AUTS2: variants seen among roughly 807,000 people sequenced by gnomAD.
The protein encoded by AUTS2 is autism susceptibility gene 2 protein.
AUTS2 carries 17 observed loss-of-function variants against 112.4 expected under a neutral mutation model. The observed-to-expected ratio is 0.15, with a 90% CI of 0.10 to 0.23. AUTS2 has a LOEUF of 0.23. AUTS2 is among the 10% of genes least tolerant of loss of function. The pLI is 1.00. For synonymous variants in AUTS2, 751 were observed against 702.7 expected, an observed-to-expected ratio of 1.07 and a Z score of -1.09; for missense variants, 1,510 against 1,701.6, an observed-to-expected ratio of 0.89 and a Z score of 1.98.
chr7:70,626,428 G>A (rs1381033490), intron 5 of AUTS2, among the ~76,000 whole-genome samples: 2 of 150,274 alleles, frequency 1.3e-5, no homozygotes, highest in Non-Finnish European at 3.0e-5. Context: ...TGGTAGGACT[G>A]GATCCTACCA....
intron 4 of AUTS2, among the ~76,000 whole-genome samples, chr7:70,338,788 A>T (rs1791110523): frequency 6.6e-6 from 1 of 151,324 alleles, no homozygotes; most frequent in Non-Finnish European, 1.5e-5. Context: ...TTAAACCATG[A>T]CTCTCTACTA....
intron 4 of AUTS2, among the ~76,000 whole-genome samples, chr7:70,162,950 T>A (rs943606333): frequency 6.6e-6 from 1 of 152,194 alleles, no homozygotes; most frequent in Non-Finnish European, 1.5e-5. Context: ...GAACGACTTA[T>A]AACGGCTGTG....
intron 1 of AUTS2, among the ~76,000 whole-genome samples, chr7:69,675,294 CTATT>C (rs1304550663): frequency 1.3e-5 from 2 of 152,186 alleles, no homozygotes; most frequent in African/African-American, 4.8e-5. Flanking sequence ...TTGAATCTTG[CTATT>C]TGTTTCCATT....
At chr7:70,288,972 G>A (rs767724712) in intron 4 of AUTS2, among the ~76,000 whole-genome samples, 7 of 152,120 alleles carry the variant, frequency 4.6e-5, no homozygotes, top group Non-Finnish European at 7.4e-5. Flanking sequence ...CCCAGGACCC[G>A]GTAGAGAATG....
At chr7:70,138,373 T>A (rs745535029) in intron 4 of AUTS2, among the ~76,000 whole-genome samples, 21 of 152,208 alleles carry the variant, frequency 1.4e-4, no homozygotes, top group Non-Finnish European at 3.1e-4. Context: ...TTTATAGCAC[T>A]TGACTCCATG....
chr7:70,701,386 A>G (rs60230392), intron 6 of AUTS2, among the ~76,000 whole-genome samples: 52,153 of 152,058 alleles, frequency 0.34, 10,129 homozygotes, highest in East Asian at 0.74. Flanking sequence ...TTAGGTCAAG[A>G]TTTTCAATCA....
At chr7:69,931,115 A>T (rs1027068945) in intron 2 of AUTS2, among the ~76,000 whole-genome samples, 1 of 2,530 alleles carries the variant, frequency 4.0e-4, no homozygotes, top group African/African-American at 2.2e-3. Flanking sequence ...TTGGATTTAC[A>T]CACACACACA....
At chr7:69,663,411 A>AAATAATAAG (rs1009331559) in intron 1 of AUTS2, 2 of 152,188 alleles carry the variant, frequency 1.3e-5, no homozygotes, top group African/African-American at 4.8e-5. Flanking sequence ...GCCCAACCAG[A>AAATAATAAG]AATAATAAGA....
intron 2 of AUTS2, among the ~76,000 whole-genome samples, chr7:69,956,157 A>C (rs1333242262): frequency 6.6e-6 from 1 of 151,682 alleles, no homozygotes; most frequent in Non-Finnish European, 1.5e-5. Context: ...TTCTCCCTTC[A>C]CCTGGCATTT....
At chr7:69,906,420 C>T (rs1795150798) in intron 2 of AUTS2, among the ~76,000 whole-genome samples, 1 of 152,066 alleles carries the variant, frequency 6.6e-6, no homozygotes, top group Non-Finnish European at 1.5e-5. Context: ...GTGTGGTTTG[C>T]ACTGGTGGTG....
At chr7:70,387,804 T>C (rs1793680477) in intron 4 of AUTS2, among the ~76,000 whole-genome samples, 1 of 152,222 alleles carries the variant, frequency 6.6e-6, no homozygotes, top group Admixed American at 6.5e-5. Flanking sequence ...GTCCAGGCTT[T>C]CATTGGCTCT....
At chr7:70,336,325 A>G (rs1481440014) in intron 4 of AUTS2, among the ~76,000 whole-genome samples, 1 of 152,170 alleles carries the variant, frequency 6.6e-6, no homozygotes, top group Non-Finnish European at 1.5e-5. Flanking sequence ...CAGGACAACC[A>G]TTGCTAGCAT....
At chr7:70,092,998 A>G (rs188304058) in intron 2 of AUTS2, among the ~76,000 whole-genome samples, 63 of 152,214 alleles carry the variant, frequency 4.1e-4, no homozygotes, top group African/African-American at 1.5e-3. Flanking sequence ...CTCCTCCCCA[A>G]ATCTCTAGGA....
At chr7:70,408,749 C>G (rs1040422568) in intron 4 of AUTS2, among the ~76,000 whole-genome samples, 5 of 152,224 alleles carry the variant, frequency 3.3e-5, no homozygotes, top group African/African-American at 1.2e-4. Context: ...TAGTTAGGAG[C>G]TGTGTACTAT....
chr7:70,453,320 C>T (rs1483941307), intron 5 of AUTS2, among the ~76,000 whole-genome samples: 1 of 152,214 alleles, frequency 6.6e-6, no homozygotes, highest in Non-Finnish European at 1.5e-5. Context: ...AACACACTTT[C>T]TAGTAAGTAT....
intron 5 of AUTS2, among the ~76,000 whole-genome samples, chr7:70,636,978 A>G (rs1286808216): frequency 6.6e-6 from 1 of 152,202 alleles, no homozygotes; most frequent in Non-Finnish European, 1.5e-5. Context: ...TTTTGCATGT[A>G]AGATGGCATT....
intron 5 of AUTS2, among the ~76,000 whole-genome samples, chr7:70,568,543 A>G (rs1203246552): frequency 6.6e-6 from 1 of 152,206 alleles, no homozygotes. Flanking sequence ...GGGGAAAAAA[A>G]AATCACTTGC....
chr7:69,706,484 G>C (rs576774951), intron 1 of AUTS2, among the ~76,000 whole-genome samples: 1 of 152,280 alleles, frequency 6.6e-6, no homozygotes, highest in East Asian at 1.9e-4. Context: ...CTAGGGTAGA[G>C]GCCAGGATAG....
chr7:70,356,986 A>G (rs893040461), intron 4 of AUTS2, among the ~76,000 whole-genome samples: 7 of 152,258 alleles, frequency 4.6e-5, no homozygotes, highest in Admixed American at 1.3e-4. Flanking sequence ...ATTGCTCCCA[A>G]TGTTTCCTGG....
Sources: allele counts gnomAD v4.1 joint callset (sites outside exome capture counted in the v4.1 genomes callset), GRCh38; gene constraint gnomAD v4.1.1; transcripts MANE v1.5; gene names NCBI Gene and HGNC (gene_info 2026-07-23, HGNC 2026-07-21).